DPP6: variants seen among roughly 807,000 people sequenced by gnomAD.
The protein encoded by DPP6 is A-type potassium channel modulatory protein DPP6.
In DPP6, 69 loss-of-function variants were observed where a neutral mutation model predicts 122.6. The ratio of observed to expected loss-of-function variants is 0.56; its 90% CI spans 0.46 to 0.69. The LOEUF (loss-of-function observed/expected upper bound fraction) is 0.69. Among genes scored for constraint, DPP6 ranks in the 30% least tolerant of loss-of-function variants. DPP6 has a pLI of 0.00. For synonymous variants in DPP6, 418 were observed against 433.1 expected, an observed-to-expected ratio of 0.97 and a Z score of 0.43; for missense variants, 928 against 1,116.9, an observed-to-expected ratio of 0.83 and a Z score of 2.41.
chr7:154,882,561 C>T (rs1437787098), intron 21 of DPP6, among the ~76,000 whole-genome samples: 1 of 152,130 alleles, frequency 6.6e-6, no homozygotes, highest in Admixed American at 6.5e-5. Flanking sequence ...TGTCAGGCAT[C>T]GCAGGACCTG....
chr7:154,327,361 T>C (rs1290528610), intron 1 of DPP6, among the ~76,000 whole-genome samples: 3 of 152,172 alleles, frequency 2.0e-5, no homozygotes, highest in Non-Finnish European at 2.9e-5. Context: ...AACATTCCCT[T>C]TTATTCTCAA....
chr7:154,078,807 G>C (rs1406251762), intron 1 of DPP6, among the ~76,000 whole-genome samples: 1 of 151,906 alleles, frequency 6.6e-6, no homozygotes, highest in East Asian at 1.9e-4. Flanking sequence ...CTTTAATTTT[G>C]GAGAAACAAA....
Position 154,282,740 on chromosome 7 carries a change from C to A in DPP6, c.244-163474C>A, listed in dbSNP as rs113359408. Among the ~76,000 whole-genome samples the A allele has an allele frequency of 0.016, 2,486 of 152,176 alleles. 68 individuals carry two copies. The highest frequency in any genetic ancestry group is 0.057 in the African/African-American group (2,372 of 41,512). ...TTGTTCTCCCAGACTTTCAGTATAA[C>A]AAACAAATTTAAAAAAAGTATGTAT... is the stretch of plus-strand genomic sequence containing the variant. On this transcript the variant is annotated intron_variant, in intron 1 of 25. Coordinates refer to ENST00000377770, the MANE Select transcript of DPP6 (RefSeq NM_130797.4). The surrounding 1 kb of genome is among the most constrained non-coding windows in gnomAD (Gnocchi z 4.8).
At chr7:154,261,061 A>G (rs1346868229) in intron 1 of DPP6, among the ~76,000 whole-genome samples, 4 of 151,954 alleles carry the variant, frequency 2.6e-5, no homozygotes, top group Non-Finnish European at 5.9e-5. Context: ...ACGCCTGGGT[A>G]ATTTTTGTAT....
At chr7:154,641,074 ACGGACTACCC>A (rs1264545856) in intron 6 of DPP6, among the ~76,000 whole-genome samples, 1 of 151,992 alleles carries the variant, frequency 6.6e-6, no homozygotes, top group African/African-American at 2.4e-5. Flanking sequence ...GAGTTTCAGG[ACGGACTACCC>A]CTTTCCCATC....
intron 1 of DPP6, among the ~76,000 whole-genome samples, chr7:153,888,571 T>C (rs1302955819): frequency 6.6e-6 from 1 of 152,226 alleles, no homozygotes; most frequent in Non-Finnish European, 1.5e-5. Flanking sequence ...CTGGAGTCTC[T>C]GGCGAGGACG....
chr7:154,231,919 T>C (rs1032114874), intron 1 of DPP6, among the ~76,000 whole-genome samples: 1 of 152,202 alleles, frequency 6.6e-6, no homozygotes, highest in Admixed American at 6.5e-5. Context: ...CATTCTACTC[T>C]ACCAGCCAGG....
chr7:153,967,598 G>C (rs1412781359), intron 1 of DPP6, among the ~76,000 whole-genome samples: 1 of 152,118 alleles, frequency 6.6e-6, no homozygotes, highest in African/African-American at 2.4e-5. Context: ...ACACAGGGCT[G>C]TTCAGCTGTT....
At chr7:154,246,801 A>T (rs1802011042) in intron 1 of DPP6, among the ~76,000 whole-genome samples, 1 of 152,222 alleles carries the variant, frequency 6.6e-6, no homozygotes, top group Non-Finnish European at 1.5e-5. Flanking sequence ...AATGAACTTT[A>T]ACCTCTACCT....
At chr7:153,949,039 G>A (rs934142285) in intron 1 of DPP6, among the ~76,000 whole-genome samples, 5 of 152,136 alleles carry the variant, frequency 3.3e-5, no homozygotes, top group Non-Finnish European at 5.9e-5. Flanking sequence ...ATTAATAGAC[G>A]ACTGAATTGC....
At chr7:153,798,811 G>A in the DPP6 span, among the ~76,000 whole-genome samples, 1 of 152,192 alleles carries the variant, frequency 6.6e-6, no homozygotes, top group African/African-American at 2.4e-5. Context: ...AGTCCCACTG[G>A]GGGGTGATGG....
rs1399832050 is a variant in DPP6 at position 153,906,965 on chromosome 7, G to GT, written c.51+19232dup. On this transcript the variant is annotated intron_variant, in intron 1 of 25. Coordinates refer to the DPP6 transcript ENST00000404039. ...TTGTGAATAGTGCTGCAATAAACAT[G>GT]TAAGTCAGATGTCTTTTTGATAAAA... Among the ~76,000 whole-genome samples, 54 of 152,216 alleles carry GT rather than the reference G, an allele frequency of 3.5e-4. 1 individual carries two copies. The highest frequency in any genetic ancestry group is 1.1e-3 in the African/African-American group (47 of 41,434).
intron 1 of DPP6, among the ~76,000 whole-genome samples, chr7:154,294,903 C>A (rs1409083901): frequency 6.6e-6 from 1 of 152,184 alleles, no homozygotes; most frequent in Non-Finnish European, 1.5e-5. Context: ...AGAAATGTCA[C>A]CTGGAGCCGT....
rs551743059 is a variant in DPP6 at position 154,317,330 on chromosome 7, C to T, written c.244-128884C>T. Among the ~76,000 whole-genome samples, 249 of 151,870 alleles carry T rather than the reference C, an allele frequency of 1.6e-3. 2 individuals are homozygous for T. The highest frequency in any genetic ancestry group is 6.8e-3 in the Middle Eastern group (2 of 294). The stretch of plus-strand genomic sequence containing the variant: ...GCTAACATGGTGAATCCAGCCTGGG[C>T]GACAGAGCATGACTCTGTCTCAAAA... On this transcript the variant is annotated intron_variant, in intron 1 of 25. Coordinates refer to ENST00000377770, the MANE Select transcript of DPP6 (RefSeq NM_130797.4).
chr7:153,776,673 A>G, the DPP6 span, among the ~76,000 whole-genome samples: 2 of 152,312 alleles, frequency 1.3e-5, no homozygotes, highest in South Asian at 4.1e-4. Flanking sequence ...GCAAAGATGC[A>G]AAGTAATTTT....
At chr7:154,478,490 A>G (rs1822952416) in intron 3 of DPP6, among the ~76,000 whole-genome samples, 1 of 152,114 alleles carries the variant, frequency 6.6e-6, no homozygotes, top group South Asian at 2.1e-4. Flanking sequence ...AGATCATATT[A>G]TCATCTTCAT....
intron 5 of DPP6, among the ~76,000 whole-genome samples, chr7:154,608,475 G>A (rs1455615108): frequency 1.4e-5 from 2 of 146,498 alleles, no homozygotes; most frequent in Non-Finnish European, 3.0e-5. Context: ...CTACAGGAGC[G>A]TGCCACTACA....
At chr7:153,816,904 C>A in the DPP6 span, among the ~76,000 whole-genome samples, 2 of 152,130 alleles carry the variant, frequency 1.3e-5, no homozygotes, top group South Asian at 4.2e-4. Flanking sequence ...GAGCTGAGAA[C>A]ATAGCCTCAA....
intron 1 of DPP6, among the ~76,000 whole-genome samples, chr7:154,079,391 G>A (rs1220797490): frequency 6.6e-6 from 1 of 152,180 alleles, no homozygotes; most frequent in Non-Finnish European, 1.5e-5. Flanking sequence ...TCAGCCTTTG[G>A]AACCTGTGGA....
Sources: allele counts gnomAD v4.1 joint callset (sites outside exome capture counted in the v4.1 genomes callset), GRCh38; gene constraint gnomAD v4.1.1; non-coding constraint Gnocchi (gnomAD v3.1); transcripts MANE v1.5; gene names NCBI Gene and HGNC (gene_info 2026-07-23, HGNC 2026-07-21).